Variants in ACTR5 observed in about 807,000 individuals in gnomAD.
ACTR5 encodes actin-related protein 5.
A neutral mutation model predicts 61.2 loss-of-function variants in ACTR5; 43 were observed. The observed-to-expected ratio is 0.70, with a 90% CI of 0.55 to 0.91. The LOEUF (loss-of-function observed/expected upper bound fraction) is 0.91, where lower values mean the gene tolerates loss of function less well. ACTR5 is among the 40% of genes least tolerant of loss of function. The pLI is 0.00. For missense variants in ACTR5, 798 were observed against 782.2 expected (o/e 1.02, Z -0.24); for synonymous variants, 333 against 310.5 (o/e 1.07, Z -0.76).
chr20:38,761,071 A>G (rs897045244), intron 5 of ACTR5, among the ~76,000 whole-genome samples: 5 of 152,026 alleles, frequency 3.3e-5, no homozygotes, highest in African/African-American at 4.8e-5. Flanking sequence ...GTGCACCACC[A>G]TGCCCGGCTA....
Position 38,748,491 on chromosome 20 carries a change from G to C in ACTR5, c.13G>C (p.Val5Leu). ...CGCGCGCTCCAAGATGGCGGCGAAC[G>C]TGTTCCCGTTCCGCGACGCCCGTGC... Reference protein sequence around the residue: MAANVFPFRDARAAP... With the variant: MAANLFPFRDARAAP... Residue 5 changes from valine (V) to leucine (L), a missense_variant, in exon 1 of 9, where the codon GTG becomes CTG. Coordinates refer to ENST00000243903, the MANE Select transcript of ACTR5 (RefSeq NM_024855.4). 6.7e-7 allele frequency: 1 copy of C among 1,490,424 alleles called. No homozygotes were observed. The highest frequency in any genetic ancestry group is 8.9e-7 in the Non-Finnish European group (1 of 1,127,454). The allele number at this position is 1,490,424 out of a possible 1,614,324, so 92.3% of individuals were successfully genotyped here.
chr20:38,758,681 C>T (rs1451878059), intron 5 of ACTR5, among the ~76,000 whole-genome samples: 1 of 151,734 alleles, frequency 6.6e-6, no homozygotes, highest in African/African-American at 2.4e-5. Context: ...GTCGTCAAAG[C>T]TTTAATGGTT....
At chr20:38,761,129 C>T (rs559096652) in intron 5 of ACTR5, among the ~76,000 whole-genome samples, 2 of 152,086 alleles carry the variant, frequency 1.3e-5, no homozygotes, top group East Asian at 3.9e-4. Context: ...ACTGTGTTGC[C>T]CAGGCTGTTC....
intron 3 of ACTR5, among the ~76,000 whole-genome samples, chr20:38,754,576 G>A (rs1033288124): frequency 2.6e-5 from 4 of 151,782 alleles, no homozygotes; most frequent in South Asian, 2.1e-4. Context: ...AAAATTAGCC[G>A]GGCATGGTGG....
intron 1 of ACTR5, 103 bp downstream of exon 1, chr20:38,748,956 T>C (rs923160225): frequency 7.2e-7 from 1 of 1,396,296 alleles, no homozygotes; most frequent in Non-Finnish European, 9.5e-7. Context: ...CTTCAGTAGC[T>C]CCGATTGTCT....
chr20:38,765,685 G>A lies in ACTR5; in HGVS notation c.1293+167G>A, dbSNP rs142556804. 9.0e-3 allele frequency among the ~76,000 whole-genome samples: 1,365 copies of A among 152,158 alleles called. 9 individuals carry two copies. The highest frequency in any genetic ancestry group is 0.031 in the African/African-American group (1,293 of 41,490). ...GATTTTTTTCCCCCGGTGATTGATCGATTGGTTCTAGTACCAAGATCTGTG... is the reference window on the plus strand; with the variant it reads ...GATTTTTTTCCCCCGGTGATTGATCAATTGGTTCTAGTACCAAGATCTGTG... On this transcript the variant is annotated intron_variant, in intron 6 of 8. Coordinates refer to ENST00000243903, the MANE Select transcript of ACTR5 (RefSeq NM_024855.4).
In ACTR5 at chr20:38,753,891, A is replaced by T. The variant is rs868761100; in HGVS notation, c.776-1066A>T. Among the ~76,000 whole-genome samples the T allele has an allele frequency of 6.9e-3, 566 of 81,976 alleles. 4 individuals carry two copies. Among genetic ancestry groups the T allele is most frequent in the African/African-American group, 0.024 (505 of 20,908 alleles). The allele number at this position is 81,976 out of a possible 152,430, so 53.8% of individuals were successfully genotyped here. The stretch of plus-strand genomic sequence containing the variant: ...ATTCGAGCTTTTTTTTTTTTTTTTT[A>T]AAGTATTTTATCTGTTGTGTTTTTT... On this transcript the variant is annotated intron_variant, in intron 3 of 8. Transcript: ENST00000243903.
Position 38,768,302 on chromosome 20 carries a change from CAT to C in ACTR5, c.1566+707_1566+708del, listed in dbSNP as rs573234421. 2.2e-3 allele frequency among the ~76,000 whole-genome samples: 330 copies of C among 152,310 alleles called. 2 individuals are homozygous for C. Among genetic ancestry groups the C allele is most frequent in the African/African-American group, 7.6e-3 (315 of 41,564 alleles). ...GGCCTGCATGTAATAAACTCTCAGACATGAGCTGTTGTGTTGAGGGTCCCTAA... is the reference window on the plus strand; with the variant it reads ...GGCCTGCATGTAATAAACTCTCAGACGAGCTGTTGTGTTGAGGGTCCCTAA... On this transcript the variant is annotated intron_variant, in intron 8 of 8. Coordinates refer to ENST00000243903, the MANE Select transcript of ACTR5 (RefSeq NM_024855.4).
At chr20:38,760,503 C>T (rs1306697170) in intron 5 of ACTR5, among the ~76,000 whole-genome samples, 1 of 152,146 alleles carries the variant, frequency 6.6e-6, no homozygotes, top group Admixed American at 6.5e-5. Context: ...GATGTAGGAT[C>T]CCAAGATCTC....
chr20:38,754,187 T>C (rs1371381083), intron 3 of ACTR5, among the ~76,000 whole-genome samples: 1 of 152,268 alleles, frequency 6.6e-6, no homozygotes, highest in Non-Finnish European at 1.5e-5. Context: ...TAGTCTGTTA[T>C]GTTTAACCAG....
intron 5 of ACTR5, among the ~76,000 whole-genome samples, chr20:38,758,736 A>G (rs1568636001): frequency 6.6e-6 from 1 of 152,202 alleles, no homozygotes; most frequent in African/African-American, 2.4e-5. Flanking sequence ...GATCAGAGTC[A>G]ATTACAGTCA....
At chr20:38,771,360 G>A (rs375102579) in intron 8 of ACTR5, among the ~76,000 whole-genome samples, 199 bp from the exon 9 acceptor site, 27 of 152,336 alleles carry the variant, frequency 1.8e-4, no homozygotes, top group Middle Eastern at 3.4e-3. Flanking sequence ...TCTGACAGCC[G>A]TCTGTTCTGG....
intron 5 of ACTR5, among the ~76,000 whole-genome samples, 156 bp from the exon 6 acceptor site, chr20:38,765,246 G>A: frequency 6.6e-6 from 1 of 152,192 alleles, no homozygotes; most frequent in East Asian, 1.9e-4. Context: ...GTGTTCATGT[G>A]TGCTTTTTTA....
At chr20:38,759,701 A>G (rs911048033) in intron 5 of ACTR5, among the ~76,000 whole-genome samples, 10 of 152,156 alleles carry the variant, frequency 6.6e-5, no homozygotes, top group Admixed American at 6.5e-4. Context: ...CCAGGGATGC[A>G]GAGGTGATTA....
rs372916844 is a variant in ACTR5 at position 38,767,499 on chromosome 20, A to G, written c.1469A>G (p.Asn490Ser). 27 of 1,613,930 alleles carry G rather than the reference A, an allele frequency of 1.7e-5. No individual in the cohort carries two copies. The highest frequency in any genetic ancestry group is 2.1e-5 in the Non-Finnish European group (25 of 1,179,988). ...GACATTCAGGAAATGCTGGTTCAGA[A>G]CGTTTTCCTCACTGGCGGCAACACG... The part of the protein sequence containing the change: ...PKDIQEMLVQ[N>S]VFLTGGNTMY... Residue 490 changes from asparagine to serine, a missense_variant, in exon 8 of 9, where the codon AAC becomes AGC. Coordinates refer to ENST00000243903, the MANE Select transcript of ACTR5 (RefSeq NM_024855.4).
intron 6 of ACTR5, 88 bp downstream of exon 6, chr20:38,765,606 CTG>C: frequency 2.7e-6 from 3 of 1,102,798 alleles, no homozygotes; most frequent in Non-Finnish European, 4.0e-6. Flanking sequence ...GGACTTAAAA[CTG>C]TTATGTTTTT....
At position 38,765,471 on chromosome 20, in the gene ACTR5, T is replaced by A; in HGVS notation, c.1246T>A (p.Phe416Ile). 6.2e-7 allele frequency: 1 copy of A among 1,614,190 alleles called. No homozygotes were observed. The highest frequency in any genetic ancestry group is 8.5e-7 in the Non-Finnish European group (1 of 1,180,024). Residue 416 changes from phenylalanine to isoleucine, a missense_variant, in exon 6 of 9, where the codon TTT becomes ATT. Coordinates refer to ENST00000243903, the MANE Select transcript of ACTR5 (RefSeq NM_024855.4). ...VESMNDFDPLFSEETPGVEKP... is the reference protein window; with the variant it reads ...VESMNDFDPLISEETPGVEKP... ...AAGCATGAATGATTTTGATCCCTTGTTTTCAGAGGAAACACCTGGAGTGGA... is the reference window on the plus strand; with the variant it reads ...AAGCATGAATGATTTTGATCCCTTGATTTCAGAGGAAACACCTGGAGTGGA...
chr20:38,757,674 G>T (rs2084428644), intron 5 of ACTR5, among the ~76,000 whole-genome samples: 1 of 151,786 alleles, frequency 6.6e-6, no homozygotes, highest in South Asian at 2.1e-4. Context: ...CTCCCAGCTG[G>T]AGGCTCGCTC....
intron 5 of ACTR5, among the ~76,000 whole-genome samples, chr20:38,760,845 CT>C (rs959129571): frequency 2.7e-5 from 4 of 148,424 alleles, no homozygotes; most frequent in Non-Finnish European, 3.0e-5. Flanking sequence ...TTTTGAGCAC[CT>C]TTTTTTTTTC....
Sources: allele counts gnomAD v4.1 joint callset (sites outside exome capture counted in the v4.1 genomes callset), GRCh38; gene constraint gnomAD v4.1.1; transcripts MANE v1.5; gene names NCBI Gene and HGNC (gene_info 2026-07-23, HGNC 2026-07-21).